The following DCDC1 variants were observed in gnomAD, a reference collection of about 807,000 sequenced individuals.
DCDC1 encodes the protein doublecortin domain-containing protein 1.
A neutral mutation model predicts 178.3 loss-of-function variants in DCDC1; 200 were observed. That is an observed-to-expected ratio of 1.12 (90% CI 1.00 to 1.26). The LOEUF (loss-of-function observed/expected upper bound fraction) is 1.26. Among genes scored for constraint, DCDC1 ranks in the 50% most tolerant of loss-of-function variants. DCDC1 has a pLI of 0.00. For synonymous variants in DCDC1, 690 were observed against 604.8 expected (o/e 1.14, Z -2.07); for missense variants, 1,983 against 1,749.2 (o/e 1.13, Z -2.38).
chr11:31,213,139 CT>C (rs1972933059), intron 9 of DCDC1, among the ~76,000 whole-genome samples: 3 of 140,394 alleles, frequency 2.1e-5, no homozygotes, highest in Non-Finnish European at 4.6e-5. Flanking sequence ...CTCTCTCTCT[CT>C]CTCTCTCTCT....
intron 3 of DCDC1, among the ~76,000 whole-genome samples, chr11:31,315,063 C>A (rs1948992244): frequency 6.6e-6 from 1 of 151,970 alleles, no homozygotes; most frequent in East Asian, 1.9e-4. Context: ...GGTAAGTAGA[C>A]CATAAGAATT....
intron 21 of DCDC1, among the ~76,000 whole-genome samples, chr11:30,935,950 C>T (rs528444412): frequency 8.3e-4 from 127 of 152,240 alleles, no homozygotes; most frequent in Non-Finnish European, 1.5e-3. Context: ...GTCTCTTTTA[C>T]CAGTCCCTTG....
At chr11:31,141,027 T>C (rs748748531) in intron 9 of DCDC1, among the ~76,000 whole-genome samples, 50 of 152,276 alleles carry the variant, frequency 3.3e-4, no homozygotes, top group Non-Finnish European at 6.3e-4. Context: ...AGCTCTCTTA[T>C]GGACATCCTA....
At chr11:31,113,622 T>A (rs1309478501) in intron 11 of DCDC1, among the ~76,000 whole-genome samples, 1 of 152,104 alleles carries the variant, frequency 6.6e-6, no homozygotes, top group East Asian at 1.9e-4. Context: ...CATGAACTCA[T>A]CCTTTTTTAT....
intron 9 of DCDC1, among the ~76,000 whole-genome samples, chr11:31,139,122 T>C (rs550311190): frequency 2.0e-5 from 3 of 152,160 alleles, no homozygotes; most frequent in Non-Finnish European, 4.4e-5. Context: ...ACACATTATA[T>C]ATATATACAC....
intron 20 of DCDC1, among the ~76,000 whole-genome samples, chr11:30,986,296 C>T (rs1230136721): frequency 6.6e-6 from 1 of 151,024 alleles, no homozygotes; most frequent in Non-Finnish European, 1.5e-5. Context: ...GTAGTTTACC[C>T]AAGGATTTTA....
At chr11:31,018,775 C>A (rs1440394906) in intron 20 of DCDC1, among the ~76,000 whole-genome samples, 1 of 152,188 alleles carries the variant, frequency 6.6e-6, no homozygotes, top group Non-Finnish European at 1.5e-5. Flanking sequence ...ACTTTTTCCA[C>A]ATCCTGACAA....
intron 21 of DCDC1, among the ~76,000 whole-genome samples, chr11:30,944,948 A>G (rs1274575700): frequency 6.6e-6 from 1 of 150,466 alleles, no homozygotes; most frequent in Non-Finnish European, 1.5e-5. Context: ...ACAGACCATC[A>G]ACAAAAATGT....
chr11:30,962,758 T>C lies in DCDC1; in HGVS notation c.2592-10190A>G, dbSNP rs1260799890. Among the ~76,000 whole-genome samples the C allele has an allele frequency of 2.0e-5, 3 of 152,092 alleles. No individual in the cohort carries two copies. In the East Asian group the frequency reaches 5.8e-4, roughly 29 times the overall value. ...ATAAGTCTTTTACCTGCTATTTTGT[T>C]TTGTTTTTCTAGTTGGTTGAGCTTC... On this transcript the variant is annotated intron_variant, in intron 20 of 38. Transcript: ENST00000684477.
At chr11:31,162,295 T>C (rs1966380579) in intron 9 of DCDC1, among the ~76,000 whole-genome samples, 1 of 152,150 alleles carries the variant, frequency 6.6e-6, no homozygotes, top group African/African-American at 2.4e-5. Flanking sequence ...GGTAATTATA[T>C]CTAAGGAATA....
chr11:31,130,139 A>G (rs943314745), intron 10 of DCDC1, among the ~76,000 whole-genome samples: 9 of 152,186 alleles, frequency 5.9e-5, no homozygotes, highest in African/African-American at 2.2e-4. Context: ...TGCCTAGGCC[A>G]TAGTTTTATG....
At chr11:31,072,876 T>C (rs1419914631) in intron 18 of DCDC1, among the ~76,000 whole-genome samples, 3 of 152,176 alleles carry the variant, frequency 2.0e-5, no homozygotes, top group East Asian at 1.9e-4. Context: ...TTTCCAGAGA[T>C]AGAATTTGAA....
intron 11 of DCDC1, among the ~76,000 whole-genome samples, chr11:31,126,849 T>C (rs956903559): frequency 2.0e-5 from 3 of 152,330 alleles, no homozygotes; most frequent in East Asian, 3.9e-4. Flanking sequence ...AAAACCACTT[T>C]AGCCAAGTAT....
chr11:30,874,080 C>A (rs1329646333), intron 38 of DCDC1, among the ~76,000 whole-genome samples: 1 of 152,154 alleles, frequency 6.6e-6, no homozygotes, highest in African/African-American at 2.4e-5. Flanking sequence ...ACATACAAAG[C>A]AAATGTTTCA....
intron 20 of DCDC1, among the ~76,000 whole-genome samples, chr11:31,054,921 G>C (rs1197565725): frequency 6.6e-6 from 1 of 152,100 alleles, no homozygotes; most frequent in South Asian, 2.1e-4. Flanking sequence ...CTAGACATTG[G>C]CTTAGGTAAG....
chr11:31,207,621 C>T (rs1450062467), intron 9 of DCDC1, among the ~76,000 whole-genome samples: 1 of 152,128 alleles, frequency 6.6e-6, no homozygotes, highest in African/African-American at 2.4e-5. Context: ...TATCAGTTGT[C>T]CTCCTTTATC....
intron 38 of DCDC1, among the ~76,000 whole-genome samples, chr11:30,866,801 A>G (rs1349030002): frequency 6.6e-6 from 1 of 152,070 alleles, no homozygotes; most frequent in Non-Finnish European, 1.5e-5. Flanking sequence ...CATGTTCTGT[A>G]AACTGACTCC....
chr11:31,349,787 G>A (rs1405843047), intron 1 of DCDC1, among the ~76,000 whole-genome samples: 2 of 152,146 alleles, frequency 1.3e-5, no homozygotes, highest in East Asian at 3.9e-4. Context: ...GATTGCTGGA[G>A]CCCAGGAGTT....
chr11:31,136,725 T>C (rs563655849), intron 10 of DCDC1, among the ~76,000 whole-genome samples: 6 of 152,304 alleles, frequency 3.9e-5, no homozygotes, highest in African/African-American at 1.4e-4. Context: ...CTTAGAAAGA[T>C]TAAATGCTTT....
Sources: allele counts gnomAD v4.1 joint callset (sites outside exome capture counted in the v4.1 genomes callset), GRCh38; gene constraint gnomAD v4.1.1; transcripts MANE v1.5; gene names NCBI Gene and HGNC (gene_info 2026-07-23, HGNC 2026-07-21).